CYP39A1: variants seen among roughly 807,000 people sequenced by gnomAD.
The protein encoded by CYP39A1 is cytochrome P450 family 39 subfamily A member 1.
Under a neutral mutation model 58.1 loss-of-function variants are expected in CYP39A1, and 49 were observed. That is an observed-to-expected ratio of 0.84 (90% confidence interval 0.67 to 1.07). The LOEUF (loss-of-function observed/expected upper bound fraction) is 1.07. Ranked by LOEUF, CYP39A1 falls within the 50% of genes least tolerant of loss-of-function variation. CYP39A1 has a pLI of 0.00. For synonymous variants in CYP39A1, 209 were observed against 187.6 expected, an observed-to-expected ratio of 1.11 and a Z score of -0.93; for missense variants, 531 against 539.4, an observed-to-expected ratio of 0.98 and a Z score of 0.16.
chr6:46,583,550 G>A, intron 10 of CYP39A1: 1 of 985,334 alleles, frequency 1.0e-6, no homozygotes, highest in African/African-American at 1.7e-5. Flanking sequence ...AAGAAGTCTG[G>A]TGGTTCATGC....
At chr6:46,581,942 C>T (rs960382350) in intron 10 of CYP39A1, among the ~76,000 whole-genome samples, 1 of 152,108 alleles carries the variant, frequency 6.6e-6, no homozygotes, top group Non-Finnish European at 1.5e-5. Flanking sequence ...CTTTGAGTGA[C>T]TCATTGCTCC....
At chr6:46,640,847 T>G (rs1283662632) in intron 2 of CYP39A1, among the ~76,000 whole-genome samples, 1 of 149,706 alleles carries the variant, frequency 6.7e-6, no homozygotes, top group Non-Finnish European at 1.5e-5. Context: ...AAGAATAAGT[T>G]TTAATTTTGT....
rs4711859 is a variant in CYP39A1, at chr6:46,627,208, C to T, written c.841-1700G>A. Among the ~76,000 whole-genome samples, 564 of 152,262 alleles carry T rather than the reference C, an allele frequency of 3.7e-3. 8 individuals carry two copies. The highest frequency in any genetic ancestry group is 0.037 in the South Asian group (177 of 4,826). On this transcript the variant is annotated intron_variant, in intron 6 of 11. Coordinates refer to ENST00000275016, the MANE Select transcript of CYP39A1 (RefSeq NM_016593.5). Reference sequence around the variant, plus strand: ...CAATCACCTCCCACCAGGTCCCTCCCTTTACATGTGGGGATTACAATTCAA... The same window carrying T: ...CAATCACCTCCCACCAGGTCCCTCCTTTTACATGTGGGGATTACAATTCAA...
Position 46,575,010 on chromosome 6 carries a change from T to C in CYP39A1, c.1250+12067A>G, listed in dbSNP as rs150323231. Among the ~76,000 whole-genome samples, 22 of 151,954 alleles carry C rather than the reference T, an allele frequency of 1.4e-4. No individual in the cohort carries two copies. In the East Asian group the frequency reaches 4.3e-3, roughly 30 times the overall value. On this transcript the variant is annotated intron_variant, in intron 10 of 11. Transcript: ENST00000275016. ...GACCATAGGCTGAAAGTAGAGAAAG[T>C]TGGGAACACTGCAGGGGGTTGCCGA...
intron 11 of CYP39A1, 118 bp from the exon 12 acceptor site, chr6:46,550,555 T>C: frequency 2.5e-6 from 2 of 794,248 alleles, no homozygotes; most frequent in Non-Finnish European, 3.8e-6. Flanking sequence ...TTTTTCAAGT[T>C]GGGAAATGTT....
At chr6:46,616,469 G>A (rs1476654118) in intron 7 of CYP39A1, among the ~76,000 whole-genome samples, 1 of 151,446 alleles carries the variant, frequency 6.6e-6, no homozygotes, top group Non-Finnish European at 1.5e-5. Context: ...ACCCAGGATG[G>A]TCTTGAATGC....
chr6:46,597,773 G>T (rs1773254780), intron 7 of CYP39A1, among the ~76,000 whole-genome samples: 1 of 152,126 alleles, frequency 6.6e-6, no homozygotes, highest in Non-Finnish European at 1.5e-5. Context: ...AACATCCGGA[G>T]GCTAGAGAAA....
intron 7 of CYP39A1, among the ~76,000 whole-genome samples, chr6:46,614,288 T>C (rs1167376159): frequency 1.3e-5 from 2 of 152,112 alleles, no homozygotes; most frequent in Non-Finnish European, 2.9e-5. Context: ...AATAAACTAA[T>C]GGCAAACACC....
intron 7 of CYP39A1, among the ~76,000 whole-genome samples, chr6:46,609,838 T>C (rs746791870): frequency 2.6e-5 from 4 of 152,248 alleles, no homozygotes; most frequent in Non-Finnish European, 2.9e-5. Flanking sequence ...GGTTTGTTGT[T>C]TCTTAAAAAA....
intron 7 of CYP39A1, among the ~76,000 whole-genome samples, chr6:46,621,931 C>T (rs1315670083): frequency 6.6e-6 from 1 of 152,066 alleles, no homozygotes; most frequent in Non-Finnish European, 1.5e-5. Context: ...CAAACTGAAT[C>T]TAGCAACATA....
intron 5 of CYP39A1, among the ~76,000 whole-genome samples, chr6:46,634,958 T>C (rs912511819): frequency 1.3e-5 from 2 of 152,204 alleles, no homozygotes; most frequent in Admixed American, 6.5e-5. Context: ...AACATGTGTG[T>C]TTGTCTGGGT....
intron 6 of CYP39A1, among the ~76,000 whole-genome samples, chr6:46,626,901 G>A (rs1190884512): frequency 6.6e-6 from 1 of 152,152 alleles, no homozygotes; most frequent in Admixed American, 6.6e-5. Context: ...ATAGTGATAA[G>A]ACATAATGTA....
chr6:46,568,631 T>C (rs145766763), intron 10 of CYP39A1, among the ~76,000 whole-genome samples: 51 of 152,230 alleles, frequency 3.4e-4, no homozygotes, highest in African/African-American at 1.1e-3. Flanking sequence ...CCCAGCGCCA[T>C]TCATTGAAAA....
At chr6:46,576,406 C>T (rs1300495081) in intron 10 of CYP39A1, among the ~76,000 whole-genome samples, 1 of 152,172 alleles carries the variant, frequency 6.6e-6, no homozygotes, top group African/African-American at 2.4e-5. Flanking sequence ...TGAGAAGGAA[C>T]CAGTGCAAGA....
rs542296147 is a variant in CYP39A1, at chr6:46,616,950, T to G, written c.931+8468A>C. Reference sequence around the variant, plus strand: ...AGAGAAGTTGAACCCACCAAGAGATTGGCGATCGATCAATGGAACAAAATC... The same window carrying G: ...AGAGAAGTTGAACCCACCAAGAGATGGGCGATCGATCAATGGAACAAAATC... On this transcript the variant is annotated intron_variant, in intron 7 of 11. Coordinates refer to ENST00000275016, the MANE Select transcript of CYP39A1 (RefSeq NM_016593.5). Among the ~76,000 whole-genome samples, 11 of 151,440 alleles carry G rather than the reference T, an allele frequency of 7.3e-5. No homozygotes were observed. The South Asian group carries it at 2.1e-3, about 29-fold the overall frequency.
chr6:46,556,861 A>G (rs1268659838), intron 10 of CYP39A1, among the ~76,000 whole-genome samples: 1 of 152,206 alleles, frequency 6.6e-6, no homozygotes, highest in Non-Finnish European at 1.5e-5. Context: ...CTTAGAAAAA[A>G]CAAAACAGAA....
Position 46,621,801 on chromosome 6 carries a change from C to G in CYP39A1, c.931+3617G>C, listed in dbSNP as rs188762400. On this transcript the variant is annotated intron_variant, in intron 7 of 11. Transcript: ENST00000275016. Reference sequence around the variant, plus strand: ...ATTAGAAGAGGAAGAAATACACTCTCTAAAGCCAGAATTATCTTGATACCA... The same window carrying G: ...ATTAGAAGAGGAAGAAATACACTCTGTAAAGCCAGAATTATCTTGATACCA... Among the ~76,000 whole-genome samples, 246 of 152,172 alleles carry G rather than the reference C, an allele frequency of 1.6e-3. 2 individuals carry two copies. The highest frequency in any genetic ancestry group is 2.3e-3 in the Non-Finnish European group (154 of 67,984).
Position 46,605,567 on chromosome 6 carries a change from G to A in CYP39A1, c.932-9447C>T, listed in dbSNP as rs993610803. Among the ~76,000 whole-genome samples the A allele has an allele frequency of 5.3e-5, 8 of 152,134 alleles. No individual in the cohort carries two copies. The East Asian group carries it at 1.2e-3, about 22-fold the overall frequency. The stretch of plus-strand genomic sequence containing the variant: ...GCAATGCAGAAAACGTGGCAGACAC[G>A]CAGAAGGGAAAGAGTTTAGAAATTG... On this transcript the variant is annotated intron_variant, in intron 7 of 11. Coordinates refer to ENST00000275016, the MANE Select transcript of CYP39A1 (RefSeq NM_016593.5).
chr6:46,585,956 C>G (rs531038203), intron 10 of CYP39A1, among the ~76,000 whole-genome samples: 71 of 152,192 alleles, frequency 4.7e-4, no homozygotes, highest in African/African-American at 1.7e-3. Flanking sequence ...GAAGAAGTCT[C>G]TCCTTTCACT....
Sources: gnomAD v4.1 joint callset for allele counts (sites outside exome capture counted in the v4.1 genomes callset) on GRCh38, gnomAD v4.1.1 for gene constraint, MANE v1.5 for transcripts, NCBI Gene and HGNC (gene_info 2026-07-23, HGNC 2026-07-21) for gene names.